The following PRKCQ variants were observed in gnomAD, a reference collection of about 807,000 sequenced individuals.
PRKCQ encodes protein kinase C theta.
Under a neutral mutation model 91.2 loss-of-function variants are expected in PRKCQ, and 41 were observed. The observed-to-expected ratio is 0.45, with a 90% CI of 0.35 to 0.58. The LOEUF (loss-of-function observed/expected upper bound fraction) is 0.58. Among genes scored for constraint, PRKCQ ranks in the 20% least tolerant of loss-of-function variants. The pLI, the probability that PRKCQ is intolerant of heterozygous loss-of-function variation, is 0.00. For synonymous variants in PRKCQ, 307 were observed against 316.9 expected (o/e 0.97, Z 0.33); for missense variants, 673 against 896.5 (o/e 0.75, Z 3.18).
chr10:6,491,630 T>A, intron 8 of PRKCQ, 53 bp downstream of exon 8: 1 of 1,602,692 alleles, frequency 6.2e-7, no homozygotes, highest in Non-Finnish European at 8.5e-7. Flanking sequence ...AAAGCCTTGC[T>A]CCATCCCCTA....
chr10:6,422,081 G>C, the PRKCQ span, among the ~76,000 whole-genome samples: 2 of 152,074 alleles, frequency 1.3e-5, no homozygotes, highest in Non-Finnish European at 2.9e-5. Context: ...ATTTAGGTTT[G>C]ATACCCCCTT....
At chr10:6,531,684 G>A (rs1211759849) in intron 1 of PRKCQ, among the ~76,000 whole-genome samples, 1 of 151,904 alleles carries the variant, frequency 6.6e-6, no homozygotes, top group African/African-American at 2.4e-5. Context: ...TTCTCATTTA[G>A]GGACCACACG....
the PRKCQ span, among the ~76,000 whole-genome samples, chr10:6,412,549 C>T: frequency 6.6e-6 from 1 of 152,084 alleles, no homozygotes; most frequent in Non-Finnish European, 1.5e-5. Context: ...GAACAAACAG[C>T]TCAATAGATC....
chr10:6,547,234 G>T (rs954679039), intron 1 of PRKCQ, among the ~76,000 whole-genome samples: 9 of 152,206 alleles, frequency 5.9e-5, no homozygotes, highest in African/African-American at 1.9e-4. Context: ...AATAAAAGAG[G>T]ATACAAACAA....
intron 16 of PRKCQ, among the ~76,000 whole-genome samples, chr10:6,432,109 G>T (rs1833454256): frequency 6.6e-6 from 1 of 152,202 alleles, no homozygotes; most frequent in African/African-American, 2.4e-5. Context: ...AAGTAACCAT[G>T]AGTTATAGGG....
intron 16 of PRKCQ, among the ~76,000 whole-genome samples, chr10:6,435,891 T>C (rs1020583555): frequency 6.6e-6 from 1 of 152,142 alleles, no homozygotes; most frequent in East Asian, 1.9e-4. Context: ...GGCGGGCAGA[T>C]TGCTTTGAGC....
chr10:6,561,126 T>A (rs1053784491), intron 1 of PRKCQ, among the ~76,000 whole-genome samples: 1 of 151,888 alleles, frequency 6.6e-6, no homozygotes, highest in African/African-American at 2.4e-5. Flanking sequence ...ATCCCAGCAC[T>A]CTGGGAGGCC....
intron 1 of PRKCQ, among the ~76,000 whole-genome samples, chr10:6,564,865 C>A (rs921700501): frequency 5.3e-5 from 8 of 152,170 alleles, no homozygotes; most frequent in African/African-American, 1.9e-4. Context: ...TAGCATGGGT[C>A]CACTGTCAAT....
intron 1 of PRKCQ, among the ~76,000 whole-genome samples, chr10:6,540,656 G>A (rs944967147): frequency 1.3e-5 from 2 of 152,192 alleles, no homozygotes. Context: ...CATTTGGGCT[G>A]TTTCTAGTTT....
intron 2 of PRKCQ, among the ~76,000 whole-genome samples, chr10:6,514,700 T>C (rs558645504): frequency 1.3e-5 from 2 of 152,362 alleles, no homozygotes; most frequent in African/African-American, 4.8e-5. Context: ...GGCTATGTTC[T>C]ACTTCAGCTC....
Position 6,562,082 on chromosome 10 carries a change from G to C in PRKCQ, c.-10+18129C>G, listed in dbSNP as rs75378631. On this transcript the variant is annotated intron_variant, in intron 1 of 17. Coordinates refer to ENST00000263125, the MANE Select transcript of PRKCQ (RefSeq NM_006257.5). ...TAGGAAGGAAATACATTGAGCCACG[G>C]ACCTGGCATCTGGAGATACCGGAAA... Among the ~76,000 whole-genome samples, 406 of 152,276 alleles carry C rather than the reference G, an allele frequency of 2.7e-3. 1 individual carries two copies. Among genetic ancestry groups the C allele is most frequent in the African/African-American group, 8.9e-3 (371 of 41,556 alleles).
chr10:6,535,284 T>C lies in PRKCQ; in HGVS notation c.-9-20140A>G, dbSNP rs529841383. ...TCAGGAGTTCCATATGTGGAAAGTA[T>C]TGTGGGTATCTAAGCCATAGTTCCT... On this transcript the variant is annotated intron_variant, in intron 1 of 17. Coordinates refer to ENST00000263125, the MANE Select transcript of PRKCQ (RefSeq NM_006257.5). Among the ~76,000 whole-genome samples the C allele has an allele frequency of 9.2e-5, 14 of 152,346 alleles. No homozygotes were observed. The South Asian group carries it at 2.7e-3, about 29-fold the overall frequency.
At chr10:6,535,868 C>A (rs991536167) in intron 1 of PRKCQ, among the ~76,000 whole-genome samples, 5 of 152,180 alleles carry the variant, frequency 3.3e-5, no homozygotes, top group Non-Finnish European at 5.9e-5. Flanking sequence ...GCTGACGAAA[C>A]CAACTGCTGT....
At chr10:6,415,635 C>T in the PRKCQ span, among the ~76,000 whole-genome samples, 88,958 of 150,700 alleles carry the variant, frequency 0.59, 27,510 homozygotes, top group African/African-American at 0.76. Context: ...ATTCCCTCTG[C>T]GCTGAGATCC....
intron 16 of PRKCQ, among the ~76,000 whole-genome samples, chr10:6,440,934 G>A (rs1159555136): frequency 1.3e-5 from 2 of 152,286 alleles, no homozygotes; most frequent in African/African-American, 2.4e-5. Context: ...GTTGCAGTGA[G>A]CCAAGATCAT....
Position 6,436,434 on chromosome 10 carries a change from G to GTATATAC in PRKCQ, c.1836+5458_1836+5459insGTATATA. Among the ~76,000 whole-genome samples, 3 of 152,220 alleles carry GTATATAC rather than the reference G, an allele frequency of 2.0e-5. No homozygotes were observed. The South Asian group carries it at 6.2e-4, about 32-fold the overall frequency. On this transcript the variant is annotated intron_variant, in intron 16 of 17. Transcript: ENST00000263125. ...TAGCATAAGATTAGGAGCTGGCCTG[G>GTATATAC]TACCGTGTGTGTATATACTACTTAT...
chr10:6,415,653 CAT>C, the PRKCQ span, among the ~76,000 whole-genome samples: 1 of 151,492 alleles, frequency 6.6e-6, no homozygotes, highest in African/African-American at 2.4e-5. Flanking sequence ...TCCCCAGAAC[CAT>C]ATGTTTGTAC....
chr10:6,433,958 G>T (rs1308176940), intron 16 of PRKCQ, among the ~76,000 whole-genome samples: 2 of 150,540 alleles, frequency 1.3e-5, no homozygotes, highest in Non-Finnish European at 2.9e-5. Context: ...TTGAACCTGG[G>T]AGGTGGAGGT....
intron 11 of PRKCQ, among the ~76,000 whole-genome samples, chr10:6,482,663 G>A (rs1213578822): frequency 6.6e-6 from 1 of 152,134 alleles, no homozygotes; most frequent in Non-Finnish European, 1.5e-5. Context: ...TTATCACACT[G>A]CTAATAAAGA....
Sources: allele counts gnomAD v4.1 joint callset (sites outside exome capture counted in the v4.1 genomes callset), GRCh38; gene constraint gnomAD v4.1.1; transcripts MANE v1.5; gene names NCBI Gene and HGNC (gene_info 2026-07-23, HGNC 2026-07-21).